Variants in PHACTR1 observed in about 807,000 individuals in gnomAD.
PHACTR1 encodes phosphatase and actin regulator 1.
In PHACTR1, 16 loss-of-function variants were observed where a neutral mutation model predicts 69.2. That is an observed-to-expected ratio of 0.23 (90% confidence interval 0.16 to 0.35). The LOEUF is 0.35. Among genes scored for constraint, PHACTR1 ranks in the 10% least tolerant of loss-of-function variants. The pLI is 1.00. For missense variants in PHACTR1, 510 were observed against 734.7 expected (o/e 0.69, Z 3.54); for synonymous variants, 312 against 284.5 (o/e 1.10, Z -0.97).
chr6:13,283,767 A>AG lies in PHACTR1; in HGVS notation c.1650+205_1650+206insG. The AG allele has an allele frequency of 2.9e-6, 2 of 691,488 alleles. No homozygotes were observed. The highest frequency in any genetic ancestry group is 4.8e-6 in the Non-Finnish European group (2 of 420,788). The allele number at this position is 691,488 out of a possible 1,614,324, so 42.8% of individuals were successfully genotyped here. On this transcript the variant is annotated intron_variant, in intron 13 of 14. Transcript: ENST00000332995. The surrounding 1 kb of genome is among the most constrained non-coding windows in gnomAD (Gnocchi z 4.7). ...CTGAATCGGAGAAAACACAAGGCAC[A>AG]TAATACTGTGCCCATTTTACAGGAG...
intron 5 of PHACTR1, among the ~76,000 whole-genome samples, chr6:13,103,456 A>T (rs1046573578): frequency 6.6e-6 from 1 of 152,340 alleles, no homozygotes; most frequent in African/African-American, 2.4e-5. Flanking sequence ...AGAAGAAATT[A>T]TTCTTGAAAT....
intron 4 of PHACTR1, among the ~76,000 whole-genome samples, chr6:12,893,376 T>C (rs1395627304): frequency 6.6e-6 from 1 of 152,222 alleles, no homozygotes; most frequent in Non-Finnish European, 1.5e-5. Context: ...TATTTATATC[T>C]TCTAATAAGC....
At position 12,760,581 on chromosome 6, in the gene PHACTR1, A is replaced by G. The variant is rs566625091; in HGVS notation, c.250+10791A>G. Among the ~76,000 whole-genome samples, 4 of 152,270 alleles carry G rather than the reference A, an allele frequency of 2.6e-5. No homozygotes were observed. In the South Asian group the frequency reaches 8.3e-4, roughly 32 times the overall value. ...GGGAGGCAAAGAAAAAGGGGAGGAG[A>G]AATAGAACACAACCTTCCAGTTTGG... On this transcript the variant is annotated intron_variant, in intron 4 of 14. Transcript: ENST00000332995.
intron 9 of PHACTR1, among the ~76,000 whole-genome samples, chr6:13,228,650 T>C (rs549814491): frequency 1.3e-5 from 2 of 152,244 alleles, no homozygotes; most frequent in Non-Finnish European, 2.9e-5. Flanking sequence ...AATGAACTTA[T>C]GAGAATAGCA....
intron 4 of PHACTR1, among the ~76,000 whole-genome samples, chr6:13,026,273 G>T (rs1245818243): frequency 6.6e-6 from 1 of 152,182 alleles, no homozygotes; most frequent in Non-Finnish European, 1.5e-5. Flanking sequence ...TCTGGAGAGG[G>T]TTAGGAAAAC....
At chr6:13,227,680 G>A (rs1770008562) in intron 8 of PHACTR1, 136 bp from the exon 9 acceptor site, 2 of 1,162,286 alleles carry the variant, frequency 1.7e-6, no homozygotes, top group East Asian at 2.4e-5. Flanking sequence ...CCTGTAAGAT[G>A]AGCAATGGAA....
At chr6:12,864,497 GC>G (rs1781257150) in intron 4 of PHACTR1, among the ~76,000 whole-genome samples, 4 of 152,080 alleles carry the variant, frequency 2.6e-5, no homozygotes, top group Admixed American at 2.6e-4. Context: ...TGGCTAACAC[GC>G]TGAAACCCCT....
At chr6:13,054,821 T>C (rs138747085) in intron 5 of PHACTR1, among the ~76,000 whole-genome samples, 1 of 152,312 alleles carries the variant, frequency 6.6e-6, no homozygotes, top group East Asian at 1.9e-4. Context: ...TTTGTTTTGA[T>C]TTTTCTAATC....
chr6:13,044,298 T>C (rs1804671281), intron 4 of PHACTR1, among the ~76,000 whole-genome samples: 1 of 152,200 alleles, frequency 6.6e-6, no homozygotes, highest in Admixed American at 6.5e-5. Context: ...ATCATCATTG[T>C]GACCTGGAAA....
chr6:12,717,064 A>G (rs1397248568), intron 1 of PHACTR1, among the ~76,000 whole-genome samples, 168 bp downstream of exon 1: 1 of 152,284 alleles, frequency 6.6e-6, no homozygotes, highest in Non-Finnish European at 1.5e-5. Flanking sequence ...AGCTTCTTCC[A>G]GTGACTGATT....
chr6:13,068,948 G>A lies in PHACTR1; in HGVS notation c.415+15419G>A, dbSNP rs555712378. Among the ~76,000 whole-genome samples the A allele has an allele frequency of 3.7e-4, 57 of 152,230 alleles. No individual in the cohort carries two copies. The South Asian group carries it at 0.01, about 27-fold the overall frequency. ...CCTGGGTATTTCCGAGAGTGAAATG[G>A]GGTGCTATAACTACTTAGGCTGAAC... is the stretch of plus-strand genomic sequence containing the variant. On this transcript the variant is annotated intron_variant, in intron 5 of 14. Transcript: ENST00000332995.
chr6:13,270,717 T>C (rs1201435169), intron 10 of PHACTR1, among the ~76,000 whole-genome samples: 2 of 152,234 alleles, frequency 1.3e-5, no homozygotes, highest in Non-Finnish European at 2.9e-5. Context: ...CTATAGGCTT[T>C]ATAAGCAGGT....
At chr6:13,161,122 G>T (rs1246252817) in intron 6 of PHACTR1, among the ~76,000 whole-genome samples, 1 of 152,010 alleles carries the variant, frequency 6.6e-6, no homozygotes, top group African/African-American at 2.4e-5. Flanking sequence ...TGAGACCACA[G>T]GTGTGTATCA....
In PHACTR1 at chr6:13,047,290, A is replaced by G. The variant is rs185733244; in HGVS notation, c.251-6075A>G. 6.8e-5 allele frequency among the ~76,000 whole-genome samples: 10 copies of G among 147,462 alleles called. No individual in the cohort carries two copies. The South Asian group carries it at 1.4e-3, about 20-fold the overall frequency. On this transcript the variant is annotated intron_variant, in intron 4 of 14. Transcript: ENST00000332995. The stretch of plus-strand genomic sequence containing the variant: ...CTACTCAGGAGGCTGAGGCATGAGA[A>G]TGGCTTGAACCTGGGAGGTGGAGGT...
rs115214298 is a variant in PHACTR1 at position 13,286,055 on chromosome 6, G to A, written c.1651-91G>A. 4.5e-4 allele frequency: 499 copies of A among 1,097,390 alleles called. 1 individual carries two copies. In the African/African-American group the frequency reaches 7.4e-3, roughly 16 times the overall value. The allele number at this position is 1,097,390 out of a possible 1,614,324, so 68.0% of individuals were successfully genotyped here. On this transcript the variant is annotated intron_variant, in intron 13 of 14. Transcript: ENST00000332995. ...CTTAAACTTGTTTGTCTTTGTTGAA[G>A]AAGAAAAATATGTTGTTAGGAATGA...
chr6:12,914,915 G>A (rs1336055290), intron 4 of PHACTR1, among the ~76,000 whole-genome samples: 1 of 152,190 alleles, frequency 6.6e-6, no homozygotes, highest in Non-Finnish European at 1.5e-5. Flanking sequence ...GGAGAATTTG[G>A]CTGAGTTGTC....
chr6:13,001,274 A>G (rs1463006720), intron 4 of PHACTR1, among the ~76,000 whole-genome samples: 1 of 152,272 alleles, frequency 6.6e-6, no homozygotes, highest in East Asian at 1.9e-4. Flanking sequence ...TGAGGATGCC[A>G]TCTCATCCCA....
At chr6:13,258,298 T>G (rs911247763) in intron 10 of PHACTR1, among the ~76,000 whole-genome samples, 1 of 150,342 alleles carries the variant, frequency 6.7e-6, no homozygotes, top group Non-Finnish European at 1.5e-5. Context: ...GAGGTTGTAG[T>G]GAGCTGAGAT....
chr6:13,269,211 T>A (rs954722936), intron 10 of PHACTR1, among the ~76,000 whole-genome samples: 1 of 152,246 alleles, frequency 6.6e-6, no homozygotes, highest in Non-Finnish European at 1.5e-5. Flanking sequence ...ACTTAAAGCC[T>A]GGGTATTACC....
Sources: gnomAD v4.1 joint callset for allele counts (sites outside exome capture counted in the v4.1 genomes callset) on GRCh38, gnomAD v4.1.1 for gene constraint, Gnocchi (gnomAD v3.1) non-coding constraint, MANE v1.5 for transcripts, NCBI Gene and HGNC (gene_info 2026-07-23, HGNC 2026-07-21) for gene names.